The following RORB variants were observed in gnomAD, a reference collection of about 807,000 sequenced individuals.
RORB encodes the protein RAR related orphan receptor B, also known as nuclear receptor ROR-beta.
In RORB, 6 loss-of-function variants were observed where a neutral mutation model predicts 59.1. The observed-to-expected ratio is 0.10, with a 90% CI of 0.06 to 0.20. The LOEUF (loss-of-function observed/expected upper bound fraction) is 0.20, where lower values mean the gene tolerates loss of function less well. Ranked by LOEUF, RORB falls within the 10% of genes least tolerant of loss-of-function variation. The probability of loss-of-function intolerance (pLI) is 1.00; values close to 1 mark genes in which losing one functional copy is unlikely to be tolerated. For synonymous variants in RORB, 215 were observed against 204.5 expected (o/e 1.05, Z -0.44); for missense variants, 320 against 560.5 (o/e 0.57, Z 4.33).
At chr9:74,606,718 C>T (rs1823154944) in intron 1 of RORB, among the ~76,000 whole-genome samples, 1 of 152,164 alleles carries the variant, frequency 6.6e-6, no homozygotes, top group Admixed American at 6.5e-5. Context: ...TGGAACAGAG[C>T]TAAGTTGGTT....
At chr9:74,590,950 C>A (rs767128596) in intron 1 of RORB, among the ~76,000 whole-genome samples, 1 of 152,168 alleles carries the variant, frequency 6.6e-6, no homozygotes, top group Non-Finnish European at 1.5e-5. Context: ...CGCATGCCAC[C>A]AGGCCCAGCT....
intron 4 of RORB, among the ~76,000 whole-genome samples, chr9:74,656,951 C>A (rs1365501089): frequency 1.3e-5 from 2 of 152,180 alleles, no homozygotes; most frequent in Non-Finnish European, 2.9e-5. Context: ...CCTCCATGCA[C>A]CCTGTGTTGC....
At chr9:74,519,498 CG>C (rs1826053945) in intron 1 of RORB, among the ~76,000 whole-genome samples, 2 of 151,936 alleles carry the variant, frequency 1.3e-5, no homozygotes, top group East Asian at 3.9e-4. Context: ...AAGAGAAAGA[CG>C]GCACAAGAGC....
intron 1 of RORB, among the ~76,000 whole-genome samples, chr9:74,500,687 G>A (rs1825793834): frequency 6.6e-6 from 1 of 152,076 alleles, no homozygotes; most frequent in Non-Finnish European, 1.5e-5. Context: ...GGGCCAATCC[G>A]GCAAACCTAT....
intron 1 of RORB, among the ~76,000 whole-genome samples, chr9:74,577,452 CA>C (rs1822654108): frequency 6.6e-6 from 1 of 152,040 alleles, no homozygotes; most frequent in Non-Finnish European, 1.5e-5. Context: ...CACTGTCAGG[CA>C]TCACAGTACA....
chr9:74,513,858 A>T (rs779448089), intron 1 of RORB, among the ~76,000 whole-genome samples: 7 of 152,094 alleles, frequency 4.6e-5, no homozygotes, highest in Non-Finnish European at 1.0e-4. Flanking sequence ...ATGCTTCAAA[A>T]ATTACATCCT....
chr9:74,588,674 T>C (rs1385489437), intron 1 of RORB, among the ~76,000 whole-genome samples: 1 of 152,312 alleles, frequency 6.6e-6, no homozygotes, highest in Admixed American at 6.5e-5. Context: ...AAAACATTTC[T>C]CATTCTTTTT....
At chr9:74,587,009 C>T (rs970151297) in intron 1 of RORB, among the ~76,000 whole-genome samples, 3 of 152,106 alleles carry the variant, frequency 2.0e-5, no homozygotes, top group African/African-American at 7.2e-5. Context: ...GCTGGTACTG[C>T]CTTACAGATC....
intron 1 of RORB, among the ~76,000 whole-genome samples, chr9:74,612,773 C>T (rs1323194317): frequency 6.6e-6 from 1 of 152,078 alleles, no homozygotes; most frequent in Admixed American, 6.6e-5. Flanking sequence ...TGAAGTAGTT[C>T]ACAGGGAACA....
chr9:74,578,717 C>A (rs1384768296), intron 1 of RORB, among the ~76,000 whole-genome samples: 1 of 152,050 alleles, frequency 6.6e-6, no homozygotes, highest in African/African-American at 2.4e-5. Flanking sequence ...ATACCATATA[C>A]CACAAGTGTA....
intron 1 of RORB, among the ~76,000 whole-genome samples, chr9:74,549,044 G>C (rs918553415): frequency 6.6e-6 from 1 of 152,056 alleles, no homozygotes; most frequent in Admixed American, 6.5e-5. Context: ...ATGAAAATGC[G>C]ATATTGCATC....
Position 74,603,990 on chromosome 9 carries a change from C to T in RORB, c.8-26292C>T, listed in dbSNP as rs138077951. On this transcript the variant is annotated intron_variant, in intron 1 of 9. Transcript: ENST00000376896. ...GAGAGTTTATTCCCTTCCACGTGAA[C>T]GGATCAGTGCAAGCTGGTACTATGT... Among the ~76,000 whole-genome samples the T allele has an allele frequency of 2.8e-3, 431 of 152,288 alleles. 1 individual carries two copies. Among genetic ancestry groups the T allele is most frequent in the African/African-American group, 9.7e-3 (403 of 41,562 alleles).
At chr9:74,659,750 T>C (rs1824150085) in intron 4 of RORB, among the ~76,000 whole-genome samples, 1 of 152,012 alleles carries the variant, frequency 6.6e-6, no homozygotes, top group Non-Finnish European at 1.5e-5. Context: ...TAAGGAGAGC[T>C]CTTATGTCTG....
At chr9:74,647,765 C>A (rs906536041) in intron 4 of RORB, among the ~76,000 whole-genome samples, 4 of 152,066 alleles carry the variant, frequency 2.6e-5, no homozygotes, top group African/African-American at 9.7e-5. Flanking sequence ...CTGTAATGTA[C>A]TACTTCATTC....
chr9:74,660,446 A>T (rs1391684074), intron 4 of RORB, among the ~76,000 whole-genome samples, 171 bp from the exon 5 acceptor site: 1 of 152,212 alleles, frequency 6.6e-6, no homozygotes, highest in Non-Finnish European at 1.5e-5. Context: ...CTGAAAATTG[A>T]AAAAATGCAA....
rs562168439 is a variant in RORB at position 74,531,239 on chromosome 9, G to T, written c.7+33256G>T. Among the ~76,000 whole-genome samples, 4 of 152,000 alleles carry T rather than the reference G, an allele frequency of 2.6e-5. No homozygotes were observed. The East Asian group carries it at 7.8e-4, about 30-fold the overall frequency. ...AAACACTGGGATTTCACTGATTATT[G>T]TATCAAAGCGACAATGATTGATCAA... On this transcript the variant is annotated intron_variant, in intron 1 of 9. Coordinates refer to ENST00000376896, the MANE Select transcript of RORB (RefSeq NM_006914.4).
chr9:74,578,684 T>A (rs1822673442), intron 1 of RORB, among the ~76,000 whole-genome samples: 1 of 11,932 alleles, frequency 8.4e-5, no homozygotes, highest in African/African-American at 9.2e-5. Flanking sequence ...GAGTAGAAGA[T>A]CCTTTTTAAG....
At chr9:74,615,525 C>T (rs1034725705) in intron 1 of RORB, 47 of 410,462 alleles carry the variant, frequency 1.1e-4, no homozygotes, top group Non-Finnish European at 1.7e-4. Context: ...TGTGGGTTAA[C>T]GCAGGGGCAG....
rs1824649179 is a variant in RORB at position 74,686,541 on chromosome 9, T to C, written c.*923T>C. On this transcript the variant is annotated 3_prime_UTR_variant, in exon 10 of 10. Coordinates refer to ENST00000376896, the MANE Select transcript of RORB (RefSeq NM_006914.4). ...TTCACCAGAACACATAAAAACACTT[T>C]TTTTCTTTTGGATTTCTGGTTGTGA... 1 of 152,210 alleles carries C rather than the reference T, an allele frequency of 6.6e-6. No homozygotes were observed. Among genetic ancestry groups the C allele is most frequent in the African/African-American group, 2.4e-5 (1 of 41,450 alleles). 9.4% of individuals were successfully genotyped at this position (152,210 alleles called of 1,614,324 possible).
Sources: allele counts gnomAD v4.1 joint callset (sites outside exome capture counted in the v4.1 genomes callset), GRCh38; gene constraint gnomAD v4.1.1; transcripts MANE v1.5; gene names NCBI Gene and HGNC (gene_info 2026-07-23, HGNC 2026-07-21).